The following FLNC variants were observed in gnomAD, a reference collection of about 807,000 sequenced individuals.
FLNC encodes the protein filamin C.
In FLNC, 91 loss-of-function variants were observed where a neutral mutation model predicts 254.3. The ratio of observed to expected loss-of-function variants is 0.36; its 90% CI spans 0.30 to 0.43. The LOEUF is 0.43. Ranked by LOEUF, FLNC falls within the 20% of genes least tolerant of loss-of-function variation. The pLI, the probability that FLNC is intolerant of heterozygous loss-of-function variation, is 1.00. For synonymous variants in FLNC, 1,430 were observed against 1,577.2 expected (o/e 0.91, Z 2.21); for missense variants, 2,853 against 3,802.6 (o/e 0.75, Z 6.57).
At position 128,851,585 on chromosome 7, in the gene FLNC, T is replaced by A. The variant is rs1808816681; in HGVS notation, c.5799T>A (p.Asp1933Glu). The change falls in exon 35 of 48, where the codon GAT becomes GAA. Residue 1933 changes from aspartate (D) to glutamate (E), a missense_variant. By Grantham distance (45) the Asp-to-Glu change is conservative. Around this residue, in one of 10 missense-constraint regions of FLNC, gnomAD observed 551 missense variants for 835.0 expected, o/e 0.66. Coordinates refer to ENST00000325888, the MANE Select transcript of FLNC (RefSeq NM_001458.5). ...ACTACAGCATCATCGTGCGCTTCGATGACAAGCACATCCCGGGGAGCCCCT... is the reference window on the plus strand; with the variant it reads ...ACTACAGCATCATCGTGCGCTTCGAAGACAAGCACATCCCGGGGAGCCCCT... ...PGDYSIIVRF[D>E]DKHIPGSPFT... 6.2e-7 allele frequency: 1 copy of A among 1,613,840 alleles called. No individual in the cohort carries two copies. The highest frequency in any genetic ancestry group is 1.7e-5 in the Admixed American group (1 of 60,012).
chr7:128,858,984 A>T lies in FLNC; in HGVS notation c.*461A>T, dbSNP rs759459236. ...TGGCTACAACCCCAGAGTTTTAAGG[A>T]CTTGGAAAGGAAAGCACAATCAGAG... On this transcript the variant is annotated 3_prime_UTR_variant, in exon 48 of 48. Transcript: ENST00000325888. The surrounding 1 kb of genome is among the most constrained non-coding windows in gnomAD (Gnocchi z 6.7). The T allele has an allele frequency of 3.6e-4, 68 of 186,994 alleles. 1 individual carries two copies. Among genetic ancestry groups the T allele is most frequent in the Admixed American group, 5.4e-4 (10 of 18,682 alleles). The allele number at this position is 186,994 out of a possible 1,614,324, so 11.6% of individuals were successfully genotyped here.
Position 128,859,025 on chromosome 7 carries a change from G to A in FLNC, c.*502G>A, listed in dbSNP as rs3188410. The stretch of plus-strand genomic sequence containing the variant: ...ACAATCAGAGAAGAAAACAGCCCCC[G>A]AACCAGCAGGAGTGGCCTGGCACAT... On this transcript the variant is annotated 3_prime_UTR_variant, in exon 48 of 48. Transcript: ENST00000325888. 0.11 allele frequency: 19,955 copies of A among 177,036 alleles called. 1,481 individuals are homozygous for A. The highest frequency in any genetic ancestry group is 0.28 in the East Asian group (1,890 of 6,792). 11.0% of individuals were successfully genotyped at this position (177,036 alleles called of 1,614,324 possible).
Position 128,846,398 on chromosome 7 carries a change from A to G in FLNC, c.4062A>G (p.Arg1354=), listed in dbSNP as rs1808570316. 6.2e-7 allele frequency: 1 copy of G among 1,610,168 alleles called. No homozygotes were observed. The highest frequency in any genetic ancestry group is 1.3e-5 in the African/African-American group (1 of 74,892). ...VTEGCDPTRV[R]AFGPGLEGGL... ...AGGGCTGTGATCCCACCCGCGTCCG[A>G]GCCTTCGGGCCAGGCCTGGAGGGTG... The change falls in exon 23 of 48, where the codon CGA becomes CGG. Residue 1354 remains arginine (R), a synonymous_variant. Transcript: ENST00000325888.
chr7:128,851,213 T>C lies in FLNC; in HGVS notation c.5540-19T>C, dbSNP rs2128938346. 3 of 1,613,628 alleles carry C rather than the reference T, an allele frequency of 1.9e-6. No individual in the cohort carries two copies. The East Asian group carries it at 6.7e-5, about 36-fold the overall frequency. ...AATCCCTGATGCTGACCCAGCCCCC[T>C]TTTTCTCTGTATCCCCAGGGAGCCC... On this transcript the variant is annotated intron_variant, in intron 33 of 47. Transcript: ENST00000325888.
rs776520014 is a variant in FLNC, at chr7:128,853,023, G to A, written c.6200G>A (p.Arg2067His). 35 of 1,613,032 alleles carry A rather than the reference G, an allele frequency of 2.2e-5. No homozygotes were observed. The highest frequency in any genetic ancestry group is 2.6e-5 in the Non-Finnish European group (31 of 1,179,980). ...FQVAEFIVDT[R>H]NAGYGGLGLS... ...GTGGCAGAGTTCATCGTGGACACTC[G>A]CAATGCAGGTACCTCCTGCCCCAGA... The change falls in exon 37 of 48, where the codon CGC becomes CAC. Residue 2067 changes from arginine to histidine, a missense_variant. Physicochemically the swap from Arg to His is conservative, Grantham distance 29 (BLOSUM62 0). Around this residue, in one of 10 missense-constraint regions of FLNC, gnomAD observed 551 missense variants for 835.0 expected, o/e 0.66. Transcript: ENST00000325888.
rs1027477380 is a variant in FLNC, at chr7:128,835,021, A to G, written c.353-305A>G. Among the ~76,000 whole-genome samples, 1 of 152,230 alleles carries G rather than the reference A, an allele frequency of 6.6e-6. No homozygotes were observed. The highest frequency in any genetic ancestry group is 1.5e-5 in the Non-Finnish European group (1 of 68,040). On this transcript the variant is annotated intron_variant, in intron 1 of 47. Coordinates refer to ENST00000325888, the MANE Select transcript of FLNC (RefSeq NM_001458.5). This position sits in a 1 kb window ranked among gnomAD's most constrained non-coding sequence, Gnocchi z 5.3. ...AAGGCTCTGCCCTGGGAGCCTTACA[A>G]TCCCACAAGGCCAGAAAGAAACCAG...
At chr7:128,847,591 C>T in intron 24 of FLNC, 106 bp from the exon 25 acceptor site, 1 of 1,328,136 alleles carries the variant, frequency 7.5e-7, no homozygotes, top group Non-Finnish European at 1.1e-6. Flanking sequence ...TCTGGCTTCC[C>T]TGTGGGCATT....
chr7:128,846,392 C>T lies in FLNC; in HGVS notation c.4056C>T (p.Arg1352=), dbSNP rs75770585. 0.057 allele frequency: 91,056 copies of T among 1,611,006 alleles called. 5,177 individuals carry two copies. Among genetic ancestry groups the T allele is most frequent in the East Asian group, 0.3 (13,251 of 44,864 alleles). The change falls in exon 23 of 48, where the codon CGC becomes CGT. Residue 1352 remains arginine, a synonymous_variant. Coordinates refer to ENST00000325888, the MANE Select transcript of FLNC (RefSeq NM_001458.5). ...VGVTEGCDPT[R]VRAFGPGLEG... is the part of the protein sequence containing the mutation. ...TGACCGAGGGCTGTGATCCCACCCG[C>T]GTCCGAGCCTTCGGGCCAGGCCTGG...
In FLNC at chr7:128,830,794, G is replaced by T. The variant is rs1452307781; in HGVS notation, c.157G>T (p.Val53Leu). ...TRWCNEHLKC[V>L]GKRLTDLQRD... ...CTGGTGCAATGAGCACCTCAAGTGC[G>T]TGGGCAAGCGCCTGACCGACCTGCA... Residue 53 changes from valine (V) to leucine (L), a missense_variant, in exon 1 of 48, where the codon GTG becomes TTG. By Grantham distance (32) the Val-to-Leu change is conservative (BLOSUM62 1). Coordinates refer to ENST00000325888, the MANE Select transcript of FLNC (RefSeq NM_001458.5). 1.2e-6 allele frequency: 2 copies of T among 1,613,018 alleles called. No homozygotes were observed. Among genetic ancestry groups the T allele is most frequent in the Admixed American group, 1.7e-5 (1 of 59,974 alleles).
chr7:128,834,846 G>A (rs560914032), intron 1 of FLNC, among the ~76,000 whole-genome samples: 222 of 152,090 alleles, frequency 1.5e-3, no homozygotes, highest in South Asian at 8.1e-3. Context: ...GAAACTTTGG[G>A]GAGTGATGGA....
intron 35 of FLNC, 89 bp from the exon 36 acceptor site, chr7:128,852,501 AG>A (rs1189479143): frequency 3.8e-5 from 56 of 1,486,934 alleles, no homozygotes; most frequent in East Asian, 6.8e-5. Context: ...TGTTGAGTCC[AG>A]GGGGGGCTGC....
Position 128,837,147 on chromosome 7 carries a change from A to C in FLNC, c.602-13A>C. 6.3e-7 allele frequency: 1 copy of C among 1,579,072 alleles called. No individual in the cohort carries two copies. Among genetic ancestry groups the C allele is most frequent in the Non-Finnish European group, 8.6e-7 (1 of 1,159,340 alleles). ...CTGCCCCTCACCATCGTCTCCCTCC[A>C]TCACCTCTCCAGGTCTCTGCCCCGA... On this transcript the variant is annotated splice_polypyrimidine_tract_variant and intron_variant, in intron 2 of 47. Coordinates refer to ENST00000325888, the MANE Select transcript of FLNC (RefSeq NM_001458.5).
At chr7:128,850,112 T>C (rs1332406129) in intron 31 of FLNC, 38 bp downstream of exon 31, 6 of 1,412,876 alleles carry the variant, frequency 4.2e-6, no homozygotes, top group African/African-American at 2.8e-5. Context: ...CTCCTCCTCC[T>C]CCCCTTCCTT....
rs554656275 is a variant in FLNC, at chr7:128,841,987, A to G, written c.2122-244A>G. Among the ~76,000 whole-genome samples the G allele has an allele frequency of 2.4e-4, 37 of 152,258 alleles. 1 individual carries two copies. The Middle Eastern group carries it at 0.014, about 56-fold the overall frequency. ...AGCCCACACTCTTCCTGTCCAACAC[A>G]TTTCAGAGTTGAGGAAACCTAGGCT... On this transcript the variant is annotated intron_variant, in intron 13 of 47. Transcript: ENST00000325888. This position sits in a 1 kb window ranked among gnomAD's most constrained non-coding sequence, Gnocchi z 4.3.
intron 35 of FLNC, among the ~76,000 whole-genome samples, 159 bp from the exon 36 acceptor site, chr7:128,852,432 T>G (rs1010095364): frequency 1.3e-5 from 2 of 151,962 alleles, no homozygotes; most frequent in African/African-American, 4.8e-5. Context: ...CACATGTGAG[T>G]GCAGACTGCA....
intron 3 of FLNC, 59 bp downstream of exon 3, chr7:128,837,316 G>A: frequency 2.5e-6 from 4 of 1,611,298 alleles, no homozygotes; most frequent in Non-Finnish European, 2.5e-6. Context: ...GGGTCTGTAA[G>A]TTTACCTGGC....
intron 1 of FLNC, among the ~76,000 whole-genome samples, chr7:128,834,908 A>T (rs1334990582): frequency 6.6e-6 from 1 of 152,184 alleles, no homozygotes; most frequent in Non-Finnish European, 1.5e-5. Context: ...ATATATCCAT[A>T]GTGTCAAAGC....
rs566975950 is a variant in FLNC at position 128,856,162 on chromosome 7, C to T, written c.7252-356C>T. Among the ~76,000 whole-genome samples, 280 of 152,362 alleles carry T rather than the reference C, an allele frequency of 1.8e-3. 3 individuals are homozygous for T. Among genetic ancestry groups the T allele is most frequent in the Non-Finnish European group, 1.0e-3 (69 of 68,030 alleles). ...AGGCCAGGCCAGTGAAACTCAGCTT[C>T]CTACCTCAGAGCTCTCTGGCACCCC... On this transcript the variant is annotated intron_variant, in intron 43 of 47. Coordinates refer to ENST00000325888, the MANE Select transcript of FLNC (RefSeq NM_001458.5). The surrounding 1 kb of genome is among the most constrained non-coding windows in gnomAD (Gnocchi z 5.9).
At chr7:128,831,785 A>G (rs1365069208) in intron 1 of FLNC, among the ~76,000 whole-genome samples, 1 of 127,848 alleles carries the variant, frequency 7.8e-6, no homozygotes, top group Non-Finnish European at 1.6e-5. Context: ...GTGTAACCAG[A>G]TTTGGAAGGT....
Sources: gnomAD v4.1 joint callset for allele counts (sites outside exome capture counted in the v4.1 genomes callset) on GRCh38, gnomAD v4.1.1 for gene constraint, gnomAD v4.1.1 regional missense constraint, Gnocchi (gnomAD v3.1) non-coding constraint, MANE v1.5 for transcripts, NCBI Gene and HGNC (gene_info 2026-07-23, HGNC 2026-07-21) for gene names.